Variants in TTC9 observed in about 807,000 individuals in gnomAD.
TTC9 encodes tetratricopeptide repeat protein 9A.
A neutral mutation model predicts 22.9 loss-of-function variants in TTC9; 13 were observed. That is an observed-to-expected ratio of 0.57 (90% CI 0.37 to 0.90). The LOEUF is 0.90. TTC9 is among the 40% of genes least tolerant of loss of function. The pLI, the probability that TTC9 is intolerant of heterozygous loss-of-function variation, is 0.01. For synonymous variants in TTC9, 148 were observed against 133.2 expected, an observed-to-expected ratio of 1.11 and a Z score of -0.77; for missense variants, 280 against 291.8, an observed-to-expected ratio of 0.96 and a Z score of 0.29.
rs1885824126 is a variant in TTC9, at chr14:70,642,225, G to GGGC, written c.105_107dup (p.Gly37dup). ...GGCCACCGCCGCCGCTGTGCGTCCCGGGCGGCGGCGGAGGAGCCCCAGCGA... is the reference window on the plus strand; with the variant it reads ...GGCCACCGCCGCCGCTGTGCGTCCCGGGCGGCGGCGGCGGAGGAGCCCCAGCGA... On this transcript the variant is annotated inframe_insertion, in exon 1 of 3. Transcript: ENST00000256367. 1 of 1,308,180 alleles carries GGGC rather than the reference G, an allele frequency of 7.6e-7. No individual in the cohort carries two copies. The highest frequency in any genetic ancestry group is 9.7e-7 in the Non-Finnish European group (1 of 1,028,424). The allele number at this position is 1,308,180 out of a possible 1,614,324, so 81.0% of individuals were successfully genotyped here. A position where few individuals can be genotyped will look rare whatever the true frequency, so the allele number is the denominator to read the frequency against.
Position 70,673,456 on chromosome 14 carries a change from T to A in TTC9, c.*2301T>A, listed in dbSNP as rs926225721. ...GAAGAAGCTATTTCAGCTGCCACAT[T>A]CTCCCCAATCCCTACTATATTATGC... On this transcript the variant is annotated 3_prime_UTR_variant, in exon 3 of 3. Coordinates refer to ENST00000256367, the MANE Select transcript of TTC9 (RefSeq NM_015351.2). 1.3e-5 allele frequency: 2 copies of A among 152,154 alleles called. No individual in the cohort carries two copies. The highest frequency in any genetic ancestry group is 4.8e-5 in the African/African-American group (2 of 41,406). 9.4% of individuals were successfully genotyped at this position (152,154 alleles called of 1,614,324 possible). A position where few individuals can be genotyped will look rare whatever the true frequency, so the allele number is the denominator to read the frequency against.
At chr14:70,648,228 A>G (rs534802495) in intron 1 of TTC9, among the ~76,000 whole-genome samples, 28 of 152,318 alleles carry the variant, frequency 1.8e-4, no homozygotes, top group African/African-American at 6.3e-4. Flanking sequence ...CTTAGGTAGC[A>G]CCTTGACCAA....
intron 1 of TTC9, among the ~76,000 whole-genome samples, chr14:70,658,181 G>A (rs1028262157): frequency 4.6e-5 from 7 of 152,170 alleles, no homozygotes; most frequent in Non-Finnish European, 8.8e-5. Context: ...GGCTCAGCGG[G>A]TCACTTAACT....
At chr14:70,670,487 G>A (rs1262754064) in intron 2 of TTC9, among the ~76,000 whole-genome samples, 2 of 151,970 alleles carry the variant, frequency 1.3e-5, no homozygotes, top group South Asian at 2.1e-4. Flanking sequence ...ATGAAACCCC[G>A]TCTCTACTAA....
Position 70,674,951 on chromosome 14 carries a change from T to G in TTC9, c.*3796T>G, listed in dbSNP as rs1000669112. 2.6e-5 allele frequency: 4 copies of G among 152,208 alleles called. No homozygotes were observed. The highest frequency in any genetic ancestry group is 9.6e-5 in the African/African-American group (4 of 41,460). The allele number at this position is 152,208 out of a possible 1,614,324, so 9.4% of individuals were successfully genotyped here. A position where few individuals can be genotyped will look rare whatever the true frequency, so the allele number is the denominator to read the frequency against. ...GGATAAACTCCAAGAAGAGACTTGC[T>G]TGGCTATTTTTAAGAATTTTGATAC... is the stretch of plus-strand genomic sequence containing the variant. On this transcript the variant is annotated 3_prime_UTR_variant, in exon 3 of 3. Coordinates refer to ENST00000256367, the MANE Select transcript of TTC9 (RefSeq NM_015351.2).
chr14:70,664,253 A>G lies in TTC9; in HGVS notation c.407-3311A>G, dbSNP rs1284457500. Among the ~76,000 whole-genome samples the G allele has an allele frequency of 2.0e-5, 3 of 151,508 alleles. No individual in the cohort carries two copies. In the East Asian group the frequency reaches 5.8e-4, roughly 29 times the overall value. ...GGAGGCAGCCAGTCCACGTCGTCTT[A>G]ACTTCCTCAGCCCTCACACGTGCCT... On this transcript the variant is annotated intron_variant, in intron 1 of 2. Coordinates refer to ENST00000256367, the MANE Select transcript of TTC9 (RefSeq NM_015351.2).
chr14:70,654,587 C>CAAAAAAAAAAAAAAAAAAAAAAAA (rs61046584), intron 1 of TTC9, among the ~76,000 whole-genome samples: 5 of 57,156 alleles, frequency 8.7e-5, no homozygotes, highest in South Asian at 5.5e-4. Context: ...GGCTCTGTCT[C>CAAAAAAAAAAAAAAAAAAAAAAAA]AAAAAAAAAA....
intron 1 of TTC9, among the ~76,000 whole-genome samples, chr14:70,652,488 C>T (rs1885999200): frequency 6.6e-6 from 1 of 152,148 alleles, no homozygotes; most frequent in Non-Finnish European, 1.5e-5. Context: ...CTAGATTATC[C>T]CCAAATTCAA....
intron 1 of TTC9, among the ~76,000 whole-genome samples, chr14:70,646,577 T>A (rs965372862): frequency 6.6e-6 from 1 of 152,200 alleles, no homozygotes; most frequent in Non-Finnish European, 1.5e-5. Flanking sequence ...GCAGTAGAGA[T>A]GGAAATCAAC....
chr14:70,655,508 T>A (rs1886051983), intron 1 of TTC9, among the ~76,000 whole-genome samples: 1 of 152,180 alleles, frequency 6.6e-6, no homozygotes, highest in South Asian at 2.1e-4. Context: ...TTTTCTTCCG[T>A]GTGGGTGTAT....
At chr14:70,661,066 A>G (rs960476639) in intron 1 of TTC9, among the ~76,000 whole-genome samples, 11 of 152,310 alleles carry the variant, frequency 7.2e-5, no homozygotes, top group African/African-American at 1.9e-4. Context: ...AGGTGTCGGC[A>G]GGGTTGGTTC....
chr14:70,667,508 A>G, intron 1 of TTC9, 56 bp from the exon 2 acceptor site: 2 of 1,596,318 alleles, frequency 1.3e-6, no homozygotes, highest in South Asian at 2.2e-5. Flanking sequence ...CTCAAGGGAA[A>G]CATGCAGAGC....
chr14:70,668,738 C>A (rs957627530), intron 2 of TTC9, among the ~76,000 whole-genome samples: 1 of 151,088 alleles, frequency 6.6e-6, no homozygotes, highest in Non-Finnish European at 1.5e-5. Flanking sequence ...GTAATCCCAA[C>A]TACTTGGGAG....
intron 1 of TTC9, among the ~76,000 whole-genome samples, chr14:70,664,178 G>A (rs1401674909): frequency 6.6e-6 from 1 of 152,030 alleles, no homozygotes; most frequent in Non-Finnish European, 1.5e-5. Context: ...GAGGTCCACT[G>A]CAACCCCAGG....
rs557454107 is a variant in TTC9, at chr14:70,674,171, C to T, written c.*3016C>T. On this transcript the variant is annotated 3_prime_UTR_variant, in exon 3 of 3. Coordinates refer to ENST00000256367, the MANE Select transcript of TTC9 (RefSeq NM_015351.2). ...TTAATTCCGTACGTTGCGGATGTCACTGCTGACCTATGTAGCTGGAGTACT... is the reference window on the plus strand; with the variant it reads ...TTAATTCCGTACGTTGCGGATGTCATTGCTGACCTATGTAGCTGGAGTACT... 2 of 152,326 alleles carry T rather than the reference C, an allele frequency of 1.3e-5. No individual in the cohort carries two copies. Among genetic ancestry groups the T allele is most frequent in the East Asian group, 3.9e-4 (2 of 5,186 alleles). The allele number at this position is 152,326 out of a possible 1,614,324, so 9.4% of individuals were successfully genotyped here. A position where few individuals can be genotyped will look rare whatever the true frequency, so the allele number is the denominator to read the frequency against.
Position 70,673,583 on chromosome 14 carries a change from A to AC in TTC9, c.*2433dup, listed in dbSNP as rs1886327168. On this transcript the variant is annotated 3_prime_UTR_variant, in exon 3 of 3. Transcript: ENST00000256367. ...TTCAAACGCCCCGACCCCCACCCCC[A>AC]CCCCCATTCCCAAGCCTCCAACTTA... The AC allele has an allele frequency of 2.0e-5, 1 of 49,362 alleles. No homozygotes were observed. The allele number at this position is 49,362 out of a possible 1,614,324, so 3.1% of individuals were successfully genotyped here. A position where few individuals can be genotyped will look rare whatever the true frequency, so the allele number is the denominator to read the frequency against.
intron 1 of TTC9, among the ~76,000 whole-genome samples, chr14:70,662,584 G>T (rs561154289): frequency 7.9e-5 from 12 of 152,318 alleles, no homozygotes; most frequent in South Asian, 2.1e-4. Flanking sequence ...AAACAATTTT[G>T]TCCTTCTATT....
chr14:70,668,541 G>C (rs559382554), intron 2 of TTC9, among the ~76,000 whole-genome samples: 1 of 152,138 alleles, frequency 6.6e-6, no homozygotes, highest in African/African-American at 2.4e-5. Context: ...AAATAAAGCA[G>C]AATAAAGAGA....
intron 2 of TTC9, among the ~76,000 whole-genome samples, chr14:70,669,254 G>A (rs1475762333): frequency 6.6e-6 from 1 of 152,044 alleles, no homozygotes; most frequent in African/African-American, 2.4e-5. Flanking sequence ...TTGACTTGAT[G>A]TTGCTATTTT....
Sources: gnomAD v4.1 joint callset for allele counts (sites outside exome capture counted in the v4.1 genomes callset) on GRCh38, gnomAD v4.1.1 for gene constraint, MANE v1.5 for transcripts, NCBI Gene and HGNC (gene_info 2026-07-23, HGNC 2026-07-21) for gene names.